The following PHF20 variants were observed in gnomAD, a reference collection of about 807,000 sequenced individuals.
PHF20 encodes the protein PHD finger protein 20, also known as glioma-expressed antigen 2.
PHF20 carries 23 observed loss-of-function variants against 113.5 expected under a neutral mutation model. That is an observed-to-expected ratio of 0.20 (90% CI 0.15 to 0.29). The LOEUF (loss-of-function observed/expected upper bound fraction) is 0.29, where lower values mean the gene tolerates loss of function less well. Among genes scored for constraint, PHF20 ranks in the 10% least tolerant of loss-of-function variants. PHF20 has a pLI of 1.00. For synonymous variants in PHF20, 434 were observed against 457.3 expected (o/e 0.95, Z 0.65); for missense variants, 943 against 1,219.6 (o/e 0.77, Z 3.38).
intron 2 of PHF20, among the ~76,000 whole-genome samples, chr20:35,815,770 G>A (rs1240995237): frequency 6.6e-6 from 1 of 151,674 alleles, no homozygotes; most frequent in South Asian, 2.1e-4. Context: ...TGGCATGCCT[G>A]TAATTCCAGC....
intron 2 of PHF20, among the ~76,000 whole-genome samples, chr20:35,835,967 AC>A (rs1283582092): frequency 2.0e-5 from 3 of 151,976 alleles, no homozygotes; most frequent in African/African-American, 7.2e-5. Context: ...AAAAGAGAAA[AC>A]TTTTATAATC....
At position 35,914,159 on chromosome 20, in the gene PHF20, C is replaced by T; in HGVS notation, c.1787C>T (p.Pro596Leu). The change falls in exon 12 of 18, where the codon CCA (proline) becomes CTA (leucine). Residue 596 changes from proline (P) to leucine (L), a missense_variant. By Grantham distance (98) the Pro-to-Leu change is moderately conservative. Transcript: ENST00000374012. Reference sequence around the variant, plus strand: ...CATATGAGCCCGCAGCTTCATGGCCCAGAATCTGGACACCACAAAGGGAAA... The same window carrying T: ...CATATGAGCCCGCAGCTTCATGGCCTAGAATCTGGACACCACAAAGGGAAA... ...GVHMSPQLHG[P>L]ESGHHKGKVK... 1 of 1,614,120 alleles carries T rather than the reference C, an allele frequency of 6.2e-7. No individual in the cohort carries two copies. Among genetic ancestry groups the T allele is most frequent in the Non-Finnish European group, 8.5e-7 (1 of 1,180,014 alleles).
intron 12 of PHF20, among the ~76,000 whole-genome samples, 172 bp downstream of exon 12, chr20:35,914,369 G>A (rs2055362572): frequency 6.6e-6 from 1 of 152,114 alleles, no homozygotes; most frequent in Non-Finnish European, 1.5e-5. Flanking sequence ...ATACTATATT[G>A]TAGTCTCTTA....
intron 10 of PHF20, among the ~76,000 whole-genome samples, chr20:35,905,063 G>A (rs1416255329): frequency 6.6e-6 from 1 of 152,042 alleles, no homozygotes; most frequent in African/African-American, 2.4e-5. Context: ...GACCTCAGAT[G>A]ATCTGCCTGC....
In PHF20 at chr20:35,912,277, A is replaced by G. The variant is rs553159440; in HGVS notation, c.1562-972A>G. Reference sequence around the variant, plus strand: ...ACAGGCGTGAGCCACCGCACCCAGCAATGACTGGATTTTTCAATGGTGAAG... The same window carrying G: ...ACAGGCGTGAGCCACCGCACCCAGCGATGACTGGATTTTTCAATGGTGAAG... On this transcript the variant is annotated intron_variant, in intron 10 of 17. Coordinates refer to ENST00000374012, the MANE Select transcript of PHF20 (RefSeq NM_016436.5). Among the ~76,000 whole-genome samples, 241 of 151,854 alleles carry G rather than the reference A, an allele frequency of 1.6e-3. 1 individual carries two copies. The highest frequency in any genetic ancestry group is 2.9e-3 in the Non-Finnish European group (200 of 67,958).
chr20:35,896,002 T>G (rs2054975054), intron 9 of PHF20, among the ~76,000 whole-genome samples: 1 of 152,072 alleles, frequency 6.6e-6, no homozygotes, highest in African/African-American at 2.4e-5. Context: ...TTTCTTCTCT[T>G]ACCTGCAACT....
Position 35,938,753 on chromosome 20 carries a change from G to C in PHF20, c.2357G>C (p.Gly786Ala). The part of the protein sequence containing the change: ...LWCQPWKQHS[G>A]EGRSHFRNIP... Reference sequence around the variant, plus strand: ...TGCCAGCCTTGGAAACAGCACTCAGGGGAGGGGAGATCTCATTTCAGAAAC... The same window carrying C: ...TGCCAGCCTTGGAAACAGCACTCAGCGGAGGGGAGATCTCATTTCAGAAAC... Residue 786 changes from glycine (G) to alanine (A), a missense_variant, in exon 16 of 18, where the codon GGG becomes GCG. Gly to Ala is a moderately conservative substitution (Grantham distance 60). Coordinates refer to ENST00000374012, the MANE Select transcript of PHF20 (RefSeq NM_016436.5). 1 of 1,614,094 alleles carries C rather than the reference G, an allele frequency of 6.2e-7. No individual in the cohort carries two copies. Among genetic ancestry groups the C allele is most frequent in the Non-Finnish European group, 8.5e-7 (1 of 1,179,966 alleles).
chr20:35,832,578 G>A (rs2042373284), intron 2 of PHF20, among the ~76,000 whole-genome samples: 1 of 152,202 alleles, frequency 6.6e-6, no homozygotes, highest in Non-Finnish European at 1.5e-5. Flanking sequence ...GAGATTCTGA[G>A]GCTATGGGAG....
rs1392790250 is a variant in PHF20, at chr20:35,948,401, A to T, written c.*774A>T. ...ATTTTCTACCCACTTCTTAATATTG[A>T]CAGCTTCCCCGTTCTATTTAATGTC... is the stretch of plus-strand genomic sequence containing the variant. On this transcript the variant is annotated 3_prime_UTR_variant, in exon 18 of 18. Coordinates refer to ENST00000374012, the MANE Select transcript of PHF20 (RefSeq NM_016436.5). The T allele has an allele frequency of 1.3e-5, 2 of 152,600 alleles. No homozygotes were observed. The highest frequency in any genetic ancestry group is 2.4e-5 in the African/African-American group (1 of 41,444). The allele number at this position is 152,600 out of a possible 1,614,324, so 9.5% of individuals were successfully genotyped here.
intron 1 of PHF20, among the ~76,000 whole-genome samples, chr20:35,776,348 C>T (rs550148784): frequency 6.6e-5 from 10 of 152,054 alleles, no homozygotes; most frequent in Non-Finnish European, 1.3e-4. Flanking sequence ...AAGCTATGTT[C>T]CCCGACCTCG....
intron 1 of PHF20, among the ~76,000 whole-genome samples, chr20:35,796,560 C>A (rs1009027688): frequency 2.0e-5 from 3 of 152,068 alleles, no homozygotes; most frequent in Non-Finnish European, 4.4e-5. Flanking sequence ...TCTAGTGTAC[C>A]TGTTTCCCCA....
intron 10 of PHF20, among the ~76,000 whole-genome samples, chr20:35,908,537 A>G (rs947853207): frequency 1.3e-5 from 2 of 152,216 alleles, no homozygotes; most frequent in Non-Finnish European, 2.9e-5. Flanking sequence ...TAATTACTTT[A>G]GTTGGAGGTC....
intron 3 of PHF20, among the ~76,000 whole-genome samples, chr20:35,845,886 G>A (rs780027186): frequency 2.0e-5 from 3 of 149,354 alleles, no homozygotes; most frequent in East Asian, 2.0e-4. Flanking sequence ...AGTGATTCTC[G>A]AGTCTTAGCT....
chr20:35,799,168 A>G (rs2041727856), intron 1 of PHF20, among the ~76,000 whole-genome samples: 1 of 151,922 alleles, frequency 6.6e-6, no homozygotes, highest in Admixed American at 6.6e-5. Flanking sequence ...GCCAAAGTAT[A>G]AGGCTGGATG....
chr20:35,817,082 G>T (rs557037133), intron 2 of PHF20, among the ~76,000 whole-genome samples: 93 of 151,784 alleles, frequency 6.1e-4, no homozygotes, highest in African/African-American at 2.0e-3. Context: ...GAGCCACTGC[G>T]CCTGGCCATA....
intron 17 of PHF20, among the ~76,000 whole-genome samples, chr20:35,946,634 A>G (rs1011855989): frequency 6.6e-6 from 1 of 150,698 alleles, no homozygotes; most frequent in African/African-American, 2.4e-5. Flanking sequence ...GATTTTCAAC[A>G]TGGGAAAGCT....
chr20:35,888,110 A>G (rs1351670245), intron 9 of PHF20, among the ~76,000 whole-genome samples: 2 of 151,380 alleles, frequency 1.3e-5, no homozygotes, highest in Non-Finnish European at 2.9e-5. Context: ...CCTCCTGAGT[A>G]GCTGGGATTA....
chr20:35,849,128 GGAAGAGGGA>G (rs2042673743), intron 4 of PHF20, among the ~76,000 whole-genome samples: 2 of 152,182 alleles, frequency 1.3e-5, no homozygotes, highest in Admixed American at 6.6e-5. Context: ...GGGACTAACT[GGAAGAGGGA>G]GGAGAGGATA....
chr20:35,897,448 A>T (rs2055006974), intron 9 of PHF20, among the ~76,000 whole-genome samples: 1 of 152,034 alleles, frequency 6.6e-6, no homozygotes, highest in Admixed American at 6.6e-5. Flanking sequence ...TGTTCAGAAC[A>T]TTCAAAATCT....
Sources: gnomAD v4.1 joint callset for allele counts (sites outside exome capture counted in the v4.1 genomes callset) on GRCh38, gnomAD v4.1.1 for gene constraint, MANE v1.5 for transcripts, NCBI Gene and HGNC (gene_info 2026-07-23, HGNC 2026-07-21) for gene names.